The following TM9SF2 variants were observed in gnomAD, a reference collection of about 807,000 sequenced individuals.
TM9SF2 encodes 76 kDa membrane protein.
In TM9SF2, 13 loss-of-function variants were observed where a neutral mutation model predicts 84.9. That is an observed-to-expected ratio of 0.15 (90% CI 0.10 to 0.24). The LOEUF is 0.24. Ranked by LOEUF, TM9SF2 falls within the 10% of genes least tolerant of loss-of-function variation. TM9SF2 has a pLI of 1.00. For missense variants in TM9SF2, 562 were observed against 818.5 expected (o/e 0.69, Z 3.82); for synonymous variants, 273 against 285.8 (o/e 0.96, Z 0.45).
chr13:99,503,977 A>G (rs1027689070), intron 1 of TM9SF2, among the ~76,000 whole-genome samples: 5 of 152,170 alleles, frequency 3.3e-5, no homozygotes, highest in Non-Finnish European at 7.3e-5. Context: ...TGCCAGCTAC[A>G]CTCACATCTG....
At chr13:99,507,709 C>T (rs546242838) in intron 1 of TM9SF2, among the ~76,000 whole-genome samples, 13 of 152,158 alleles carry the variant, frequency 8.5e-5, no homozygotes, top group Non-Finnish European at 1.6e-4. Flanking sequence ...GTGGACTGCT[C>T]TAATATTAAG....
At chr13:99,529,339 T>G (rs1452632369) in intron 3 of TM9SF2, 128 bp from the exon 4 acceptor site, 1 of 783,212 alleles carries the variant, frequency 1.3e-6, no homozygotes, top group Non-Finnish European at 1.8e-6. Context: ...ATTTAAAAAT[T>G]TATTTATTAC....
intron 1 of TM9SF2, among the ~76,000 whole-genome samples, chr13:99,510,696 A>G (rs1177297551): frequency 6.6e-6 from 1 of 152,174 alleles, no homozygotes; most frequent in Non-Finnish European, 1.5e-5. Flanking sequence ...TTAGAAATTC[A>G]CCCTCATGAT....
At chr13:99,557,507 T>G (rs1366950307) in intron 15 of TM9SF2, among the ~76,000 whole-genome samples, 1 of 152,212 alleles carries the variant, frequency 6.6e-6, no homozygotes, top group East Asian at 1.9e-4. Flanking sequence ...TGCACAAAAG[T>G]TTTAAATTTT....
chr13:99,549,848 G>A (rs1250914862), intron 12 of TM9SF2, among the ~76,000 whole-genome samples: 1 of 152,192 alleles, frequency 6.6e-6, no homozygotes, highest in Admixed American at 6.5e-5. Flanking sequence ...GGATGATGAA[G>A]TCTAGAAACC....
At chr13:99,530,097 G>C (rs998746663) in intron 4 of TM9SF2, among the ~76,000 whole-genome samples, 2 of 151,566 alleles carry the variant, frequency 1.3e-5, no homozygotes, top group Non-Finnish European at 2.9e-5. Flanking sequence ...AAAAAAGGCT[G>C]ACACAAAGAC....
chr13:99,548,184 G>A (rs2046291561), intron 11 of TM9SF2, among the ~76,000 whole-genome samples: 1 of 152,080 alleles, frequency 6.6e-6, no homozygotes, highest in South Asian at 2.1e-4. Context: ...CGGACAGGCT[G>A]CCTGCTTTCC....
At chr13:99,552,732 T>C (rs945282017) in intron 13 of TM9SF2, among the ~76,000 whole-genome samples, 1 of 152,128 alleles carries the variant, frequency 6.6e-6, no homozygotes, top group Non-Finnish European at 1.5e-5. Context: ...GCCTCCCGAG[T>C]AGCTGGGATT....
chr13:99,507,654 T>C lies in TM9SF2; in HGVS notation c.171+5877T>C, dbSNP rs536715091. On this transcript the variant is annotated intron_variant, in intron 1 of 16. Transcript: ENST00000376387. The stretch of plus-strand genomic sequence containing the variant: ...GTCCCAGCATTGCTTTTGAGACTTT[T>C]ATTGTGCCTGAGTTAAGACTTCCCT... Among the ~76,000 whole-genome samples the C allele has an allele frequency of 2.6e-5, 4 of 152,328 alleles. No homozygotes were observed. In the East Asian group the frequency reaches 5.8e-4, roughly 22 times the overall value.
chr13:99,538,310 T>G (rs1201681797), intron 6 of TM9SF2, among the ~76,000 whole-genome samples: 1 of 152,122 alleles, frequency 6.6e-6, no homozygotes, highest in Non-Finnish European at 1.5e-5. Context: ...TTGAAAGAGA[T>G]CTCTTCAACT....
At chr13:99,502,983 G>C (rs2046073144) in intron 1 of TM9SF2, among the ~76,000 whole-genome samples, 1 of 152,078 alleles carries the variant, frequency 6.6e-6, no homozygotes, top group Admixed American at 6.5e-5. Flanking sequence ...GCAAAACCTT[G>C]TATCTGAAAA....
chr13:99,525,368 A>T (rs1318757402), intron 3 of TM9SF2, among the ~76,000 whole-genome samples: 1 of 151,930 alleles, frequency 6.6e-6, no homozygotes, highest in African/African-American at 2.4e-5. Context: ...TAGCCTCCCG[A>T]GCAGCTGGGA....
chr13:99,524,438 G>T (rs1418976489), intron 3 of TM9SF2, among the ~76,000 whole-genome samples: 1 of 152,066 alleles, frequency 6.6e-6, no homozygotes, highest in African/African-American at 2.4e-5. Context: ...CCAGGTTGGG[G>T]GATGGGGAAG....
chr13:99,523,641 G>A (rs997187866), intron 3 of TM9SF2, among the ~76,000 whole-genome samples: 20 of 152,338 alleles, frequency 1.3e-4, no homozygotes, highest in African/African-American at 4.1e-4. Flanking sequence ...TCAGATCTAA[G>A]CACTCATATT....
intron 3 of TM9SF2, among the ~76,000 whole-genome samples, chr13:99,526,025 C>T (rs532607756): frequency 3.9e-5 from 6 of 152,124 alleles, no homozygotes; most frequent in African/African-American, 1.2e-4. Flanking sequence ...TCAGTGAGCT[C>T]GTTCATCCGT....
intron 3 of TM9SF2, among the ~76,000 whole-genome samples, chr13:99,525,824 G>C (rs1195725994): frequency 6.6e-6 from 1 of 152,168 alleles, no homozygotes; most frequent in Non-Finnish European, 1.5e-5. Context: ...CAAAGTGCTG[G>C]GATTACAGGC....
Position 99,552,333 on chromosome 13 carries a change from T to A in TM9SF2, c.1488+7T>A. On this transcript the variant is annotated splice_region_variant and intron_variant, in intron 13 of 16. Coordinates refer to ENST00000376387, the MANE Select transcript of TM9SF2 (RefSeq NM_004800.3). ...CTTTGGTTTTAAGAAGAATGTAAGT[T>A]TATAGGTGTTAACTTATTCAGGTGA... The A allele has an allele frequency of 6.2e-7, 1 of 1,612,116 alleles. No individual in the cohort carries two copies. Among genetic ancestry groups the A allele is most frequent in the Non-Finnish European group, 8.5e-7 (1 of 1,179,070 alleles).
intron 1 of TM9SF2, among the ~76,000 whole-genome samples, chr13:99,505,313 C>T (rs1331593315): frequency 6.6e-6 from 1 of 152,108 alleles, no homozygotes; most frequent in East Asian, 1.9e-4. Flanking sequence ...CCACCATGCC[C>T]GGCTAATTTT....
rs1170589964 is a variant in TM9SF2, at chr13:99,562,763, G to A, written c.*5G>A. Reference sequence around the variant, plus strand: ...AGTGTGGTGAAGGTTGACTGAAGAAGTCCAGTGTGTCCAGTTAAAACAGAA... The same window carrying A: ...AGTGTGGTGAAGGTTGACTGAAGAAATCCAGTGTGTCCAGTTAAAACAGAA... On this transcript the variant is annotated 3_prime_UTR_variant, in exon 17 of 17. Transcript: ENST00000376387. The A allele has an allele frequency of 1.6e-5, 25 of 1,610,416 alleles. No individual in the cohort carries two copies. The highest frequency in any genetic ancestry group is 2.1e-5 in the Non-Finnish European group (25 of 1,178,802).
Sources: allele counts gnomAD v4.1 joint callset (sites outside exome capture counted in the v4.1 genomes callset), GRCh38; gene constraint gnomAD v4.1.1; transcripts MANE v1.5; gene names NCBI Gene and HGNC (gene_info 2026-07-23, HGNC 2026-07-21).